Variants in PPP1R1C observed in about 807,000 individuals in gnomAD.
The protein encoded by PPP1R1C is protein phosphatase 1 regulatory inhibitor subunit 1C, also known as protein phosphatase 1 regulatory subunit 1C.
In PPP1R1C, 15 loss-of-function variants were observed where a neutral mutation model predicts 17.4. The observed-to-expected ratio is 0.86, with a 90% CI of 0.58 to 1.33. The LOEUF is 1.33. PPP1R1C is among the 40% of genes most tolerant of loss of function. The pLI is 0.00. For missense variants in PPP1R1C, 143 were observed against 130.0 expected, an observed-to-expected ratio of 1.10 and a Z score of -0.48; for synonymous variants, 35 against 43.1, an observed-to-expected ratio of 0.81 and a Z score of 0.73.
At chr2:182,022,706 G>C (rs945431966) in intron 2 of PPP1R1C, among the ~76,000 whole-genome samples, 5 of 152,176 alleles carry the variant, frequency 3.3e-5, no homozygotes, top group African/African-American at 1.2e-4. Flanking sequence ...AGAATCTCAG[G>C]ATCTTAGTAG....
chr2:182,038,771 T>C (rs143977874), intron 2 of PPP1R1C, among the ~76,000 whole-genome samples: 2,830 of 152,280 alleles, frequency 0.019, 73 homozygotes, highest in African/African-American at 0.065. Context: ...AAGAGAGCTA[T>C]GACACACCCT....
At chr2:182,000,907 C>T (rs999818822) in intron 2 of PPP1R1C, among the ~76,000 whole-genome samples, 6 of 152,084 alleles carry the variant, frequency 3.9e-5, no homozygotes, top group Non-Finnish European at 5.9e-5. Flanking sequence ...TATATGAGGC[C>T]TTATAATTCC....
At chr2:182,082,207 C>G (rs1476731277) in intron 4 of PPP1R1C, among the ~76,000 whole-genome samples, 2 of 152,042 alleles carry the variant, frequency 1.3e-5, no homozygotes. Context: ...AGAATAGAAA[C>G]AAACTCATAA....
chr2:182,052,584 T>C (rs1687557765), intron 2 of PPP1R1C, among the ~76,000 whole-genome samples: 1 of 152,196 alleles, frequency 6.6e-6, no homozygotes, highest in African/African-American at 2.4e-5. Flanking sequence ...CAATCCTACA[T>C]TCTCCTCTGA....
intron 2 of PPP1R1C, among the ~76,000 whole-genome samples, chr2:182,045,342 A>G (rs1417828622): frequency 6.6e-6 from 1 of 152,162 alleles, no homozygotes; most frequent in East Asian, 1.9e-4. Flanking sequence ...TCAAGTGACA[A>G]AAACTAACTT....
chr2:182,092,982 A>G (rs1163469352), intron 4 of PPP1R1C, among the ~76,000 whole-genome samples: 1 of 152,166 alleles, frequency 6.6e-6, no homozygotes, highest in East Asian at 1.9e-4. Flanking sequence ...CAGCTCCACT[A>G]GTTGATGCCC....
chr2:181,981,092 C>T (rs1685186151), upstream of PPP1R1C, among the ~76,000 whole-genome samples: 1 of 151,540 alleles, frequency 6.6e-6, no homozygotes, highest in Admixed American at 6.6e-5. Flanking sequence ...CTACGCCCGG[C>T]TAATTTTTTG....
chr2:181,977,238 C>T (rs948728747), intron 2 of PPP1R1C, among the ~76,000 whole-genome samples: 1 of 134,812 alleles, frequency 7.4e-6, no homozygotes, highest in Non-Finnish European at 1.5e-5. Flanking sequence ...TACTAGAATT[C>T]AGTGGATAAT....
intron 4 of PPP1R1C, among the ~76,000 whole-genome samples, chr2:182,108,533 G>C (rs953361964): frequency 6.6e-6 from 1 of 151,964 alleles, no homozygotes; most frequent in African/African-American, 2.4e-5. Flanking sequence ...TAATACCTGA[G>C]CCCAGAATTC....
intron 5 of PPP1R1C, among the ~76,000 whole-genome samples, chr2:182,127,707 C>T (rs1490569872): frequency 6.6e-6 from 1 of 152,032 alleles, no homozygotes; most frequent in Admixed American, 6.6e-5. Flanking sequence ...CTTGATGCAA[C>T]AGTGTTGGAG....
At chr2:181,968,325 C>A (rs1220017910) in intron 1 of PPP1R1C, among the ~76,000 whole-genome samples, 2 of 152,142 alleles carry the variant, frequency 1.3e-5, no homozygotes, top group Non-Finnish European at 2.9e-5. Flanking sequence ...GTATTAGCAT[C>A]CATCTCTCTC....
intron 4 of PPP1R1C, among the ~76,000 whole-genome samples, chr2:182,102,086 T>C (rs1689112752): frequency 6.6e-6 from 1 of 152,232 alleles, no homozygotes; most frequent in African/African-American, 2.4e-5. Context: ...GAAATTATGA[T>C]ATAATTGAGC....
intron 1 of PPP1R1C, among the ~76,000 whole-genome samples, chr2:181,955,672 AT>A (rs1301364382): frequency 6.6e-6 from 1 of 152,186 alleles, no homozygotes; most frequent in Non-Finnish European, 1.5e-5. Flanking sequence ...CTAAAGTAAC[AT>A]TTGTCTACTA....
chr2:182,067,500 A>G (rs745840010), intron 4 of PPP1R1C, among the ~76,000 whole-genome samples: 4 of 152,140 alleles, frequency 2.6e-5, no homozygotes, highest in Admixed American at 6.6e-5. Flanking sequence ...ACTTCAGATC[A>G]CCAAATGAAA....
chr2:182,127,709 G>C (rs1689909021), intron 5 of PPP1R1C, among the ~76,000 whole-genome samples: 1 of 152,068 alleles, frequency 6.6e-6, no homozygotes, highest in South Asian at 2.1e-4. Flanking sequence ...TGATGCAACA[G>C]TGTTGGAGAA....
At chr2:182,058,610 G>A (rs1383229410) in intron 2 of PPP1R1C, among the ~76,000 whole-genome samples, 1 of 152,100 alleles carries the variant, frequency 6.6e-6, no homozygotes, top group African/African-American at 2.4e-5. Context: ...GGAAGGCAGA[G>A]TAAGAATTAT....
chr2:182,024,857 A>AAGCAAAC (rs1686545714), intron 2 of PPP1R1C, among the ~76,000 whole-genome samples: 1 of 150,666 alleles, frequency 6.6e-6, no homozygotes, highest in Non-Finnish European at 1.5e-5. Context: ...TCTGTCTCAA[A>AAGCAAAC]AAACAAACAA....
At chr2:182,035,049 C>A (rs1055956098) in intron 2 of PPP1R1C, among the ~76,000 whole-genome samples, 12 of 152,178 alleles carry the variant, frequency 7.9e-5, no homozygotes, top group African/African-American at 2.9e-4. Flanking sequence ...TGCCTGGCAC[C>A]TCCTTGTTGC....
chr2:181,956,251 G>A (rs1684668200), intron 1 of PPP1R1C, among the ~76,000 whole-genome samples: 1 of 152,180 alleles, frequency 6.6e-6, no homozygotes, highest in South Asian at 2.1e-4. Flanking sequence ...TGGCTGCATA[G>A]TATTCCATGG....
Sources: gnomAD v4.1 joint callset for allele counts (sites outside exome capture counted in the v4.1 genomes callset) on GRCh38, gnomAD v4.1.1 for gene constraint, MANE v1.5 for transcripts, NCBI Gene and HGNC (gene_info 2026-07-23, HGNC 2026-07-21) for gene names.